Variants in CENPE observed in about 807,000 individuals in gnomAD.
CENPE encodes the protein centromere protein E, also known as centromere-associated protein E.
CENPE carries 145 observed loss-of-function variants against 336.1 expected under a neutral mutation model. The ratio of observed to expected loss-of-function variants is 0.43; its 90% CI spans 0.38 to 0.50. CENPE has a LOEUF of 0.50. Among genes scored for constraint, CENPE ranks in the 20% least tolerant of loss-of-function variants. The pLI is 0.00. For synonymous variants in CENPE, 1,013 were observed against 984.8 expected (o/e 1.03, Z -0.54); for missense variants, 2,719 against 3,023.3 (o/e 0.90, Z 2.36).
intron 15 of CENPE, 42 bp from the exon 16 acceptor site, chr4:103,174,945 AT>A (rs1405793899): frequency 8.2e-7 from 1 of 1,216,716 alleles, no homozygotes; most frequent in East Asian, 3.1e-5. Flanking sequence ...GAAAATTCAA[AT>A]ATTTTTTGTT....
chr4:103,140,720 G>C (rs1172273657), intron 36 of CENPE, 94 bp downstream of exon 36: 4 of 1,015,370 alleles, frequency 3.9e-6, no homozygotes, highest in Non-Finnish European at 5.8e-6. Flanking sequence ...ATTATTTCTA[G>C]GTTTTAGTCA....
chr4:103,117,622 CTTTTTT>C (rs771337112), intron 44 of CENPE, among the ~76,000 whole-genome samples: 21 of 115,052 alleles, frequency 1.8e-4, no homozygotes, highest in Non-Finnish European at 1.8e-5. Flanking sequence ...ATTTTCTTTC[CTTTTTT>C]TTTTTTTTTT....
In CENPE at chr4:103,141,117, A is replaced by T; in HGVS notation, c.5464-13T>A. The T allele has an allele frequency of 6.9e-7, 1 of 1,442,888 alleles. No homozygotes were observed. The highest frequency in any genetic ancestry group is 1.3e-5 in the South Asian group (1 of 77,354). The allele number at this position is 1,442,888 out of a possible 1,614,324, so 89.4% of individuals were successfully genotyped here. A position where few individuals can be genotyped will look rare whatever the true frequency, so the allele number is the denominator to read the frequency against. On this transcript the variant is annotated splice_polypyrimidine_tract_variant and intron_variant, in intron 35 of 48. Coordinates refer to ENST00000265148, the MANE Select transcript of CENPE (RefSeq NM_001813.3). Reference sequence around the variant, plus strand: ...TAAGTTCTTGAATCTTAAGATAATCATAAAATAATATGTTAGGTGGCTTTT... The same window carrying T: ...TAAGTTCTTGAATCTTAAGATAATCTTAAAATAATATGTTAGGTGGCTTTT...
At chr4:103,124,136 G>A (rs183760583) in intron 42 of CENPE, among the ~76,000 whole-genome samples, 54 of 152,216 alleles carry the variant, frequency 3.5e-4, no homozygotes, top group African/African-American at 1.3e-3. Context: ...AATACATAGG[G>A]TTTGGTACCA....
chr4:103,113,153 T>TATAA (rs1447859713), intron 46 of CENPE, among the ~76,000 whole-genome samples: 4 of 132,220 alleles, frequency 3.0e-5, no homozygotes, highest in Non-Finnish European at 6.3e-5. Context: ...AGTATATAAG[T>TATAA]GTATATATAC....
At chr4:103,180,514 A>C in intron 12 of CENPE, 45 bp from the exon 13 acceptor site, 1 of 1,399,854 alleles carries the variant, frequency 7.1e-7, no homozygotes, top group Non-Finnish European at 9.8e-7. Context: ...AATGTGGCTA[A>C]GTTTTAAAAC....
chr4:103,172,813 G>A (rs930335616), intron 16 of CENPE, among the ~76,000 whole-genome samples: 10 of 151,710 alleles, frequency 6.6e-5, no homozygotes, highest in African/African-American at 1.7e-4. Context: ...TATCCAAGGA[G>A]GTGTCAGATC....
intron 13 of CENPE, 43 bp from the exon 14 acceptor site, chr4:103,177,089 T>G (rs1560664667): frequency 6.8e-7 from 1 of 1,479,330 alleles, no homozygotes; most frequent in Middle Eastern, 1.8e-4. Flanking sequence ...AGATCTGTAT[T>G]CAAACATAAT....
At position 103,140,835 on chromosome 4, in the gene CENPE, G is replaced by A. The variant is rs762752618; in HGVS notation, c.5733C>T (p.Ser1911=). The change falls in exon 36 of 49, where the codon AGC becomes AGT. Residue 1911 remains serine, a synonymous_variant. Coordinates refer to ENST00000265148, the MANE Select transcript of CENPE (RefSeq NM_001813.3). ...TCACTCTAGCTTTGGTTTCTTGCAG[G>A]CTTTCCTTGAGTTGGTCTCTCTCCA... ...LKLERDQLKE[S]LQETKARDLE... is the part of the protein sequence containing the mutation. The A allele has an allele frequency of 6.3e-7, 1 of 1,589,728 alleles. No homozygotes were observed. Among genetic ancestry groups the A allele is most frequent in the African/African-American group, 1.4e-5 (1 of 73,086 alleles).
At chr4:103,120,082 T>C (rs1750477589) in intron 44 of CENPE, 66 bp downstream of exon 44, 2 of 1,156,822 alleles carry the variant, frequency 1.7e-6, no homozygotes, top group African/African-American at 1.5e-5. Context: ...CACAAGGAGA[T>C]TTGCTGAATT....
chr4:103,169,613 G>A (rs978043853), intron 16 of CENPE, among the ~76,000 whole-genome samples: 1 of 152,076 alleles, frequency 6.6e-6, no homozygotes, highest in Non-Finnish European at 1.5e-5. Context: ...TCACAGGCCA[G>A]GATCATTAAA....
At position 103,141,049 on chromosome 4, in the gene CENPE, T is replaced by C. The variant is rs115069704; in HGVS notation, c.5519A>G (p.Asn1840Ser). The change falls in exon 36 of 49, where the codon AAT becomes AGT. Residue 1840 changes from asparagine to serine, a missense_variant. This residue lies in a region of CENPE where 2,437 missense variants were observed against 2,513.3 expected (regional missense o/e 0.97). Coordinates refer to ENST00000265148, the MANE Select transcript of CENPE (RefSeq NM_001813.3). ...HQLITLKKDV[N>S]ETQKKVSEME... The stretch of plus-strand genomic sequence containing the variant: ...TTCAGACACTTTTTTCTGTGTCTCA[T>C]TGACATCTTTTTTTAACGTAATAAG... The C allele has an allele frequency of 1.5e-4, 240 of 1,591,626 alleles. 1 individual carries two copies. The African/African-American group carries it at 2.2e-3, about 15-fold the overall frequency.
intron 46 of CENPE, among the ~76,000 whole-genome samples, chr4:103,113,965 G>A (rs1398156284): frequency 6.6e-6 from 1 of 151,900 alleles, no homozygotes; most frequent in Non-Finnish European, 1.5e-5. Context: ...TTGACCAACA[G>A]ATCTAAAAAG....
Position 103,196,777 on chromosome 4 carries a change from T to G in CENPE, c.130A>C (p.Ser44Arg), listed in dbSNP as rs1270286644. 6.4e-7 allele frequency: 1 copy of G among 1,573,044 alleles called. No individual in the cohort carries two copies. The highest frequency in any genetic ancestry group is 2.2e-5 in the East Asian group (1 of 44,680). ...AGCTTACCAAAATTGAAGGATTTAC[T>G]TCCATCAACTTGATAAATGACATTA... ...DNNVIYQVDG[S>R]KSFNFDRVFH... is the part of the protein sequence containing the mutation. Residue 44 changes from serine (S) to arginine (R), a missense_variant, in exon 2 of 49, where the codon AGT becomes CGT. Around this residue, in one of 5 missense-constraint regions of CENPE, gnomAD observed 106 missense variants for 189.3 expected, o/e 0.56. Coordinates refer to ENST00000265148, the MANE Select transcript of CENPE (RefSeq NM_001813.3).
At chr4:103,163,356 T>G in intron 17 of CENPE, 100 bp from the exon 18 acceptor site, 1 of 1,291,324 alleles carries the variant, frequency 7.7e-7, no homozygotes, top group Non-Finnish European at 1.1e-6. Context: ...CATAGTAAAA[T>G]TCAAAGTCAC....
At chr4:103,139,720 T>C (rs569613891) in intron 38 of CENPE, 69 bp downstream of exon 38, 55 of 1,346,640 alleles carry the variant, frequency 4.1e-5, no homozygotes, top group Non-Finnish European at 5.0e-5. Context: ...AATAAAAACA[T>C]TGTAATTCTT....
chr4:103,142,664 CTTCT>C (rs1752662447), intron 34 of CENPE, among the ~76,000 whole-genome samples: 1 of 152,150 alleles, frequency 6.6e-6, no homozygotes, highest in African/African-American at 2.4e-5. Context: ...CCTCTAACTG[CTTCT>C]TTAACTGACC....
At chr4:103,198,211 C>T (rs1456127753) in intron 1 of CENPE, 53 bp downstream of exon 1, 2 of 1,530,160 alleles carry the variant, frequency 1.3e-6, no homozygotes, top group Non-Finnish European at 1.8e-6. Context: ...CCCTCCGGCT[C>T]AGGGCGGCGC....
intron 8 of CENPE, among the ~76,000 whole-genome samples, chr4:103,188,275 C>T (rs1327111917): frequency 6.6e-6 from 1 of 152,194 alleles, no homozygotes; most frequent in Admixed American, 6.5e-5. Flanking sequence ...GAATTGAACT[C>T]AGCTCTGCAC....
Sources: allele counts gnomAD v4.1 joint callset (sites outside exome capture counted in the v4.1 genomes callset), GRCh38; gene constraint gnomAD v4.1.1; regional missense constraint gnomAD v4.1.1; transcripts MANE v1.5; gene names NCBI Gene and HGNC (gene_info 2026-07-23, HGNC 2026-07-21).